Variants in TMOD2 observed in about 807,000 individuals in gnomAD.
The protein encoded by TMOD2 is tropomodulin-2.
Under a neutral mutation model 39.9 loss-of-function variants are expected in TMOD2, and 22 were observed. That is an observed-to-expected ratio of 0.55 (90% CI 0.39 to 0.79). The LOEUF is 0.79. Among genes scored for constraint, TMOD2 ranks in the 30% least tolerant of loss-of-function variants. The pLI is 0.00. For synonymous variants in TMOD2, 123 were observed against 146.1 expected (o/e 0.84, Z 1.14); for missense variants, 386 against 413.3 (o/e 0.93, Z 0.57).
At position 51,814,791 on chromosome 15, in the gene TMOD2, C is replaced by T. The variant is rs990352888; in HGVS notation, c.*6337C>T. The T allele has an allele frequency of 2.0e-5, 3 of 152,192 alleles. No individual in the cohort carries two copies. Among genetic ancestry groups the T allele is most frequent in the Admixed American group, 6.5e-5 (1 of 15,280 alleles). The allele number at this position is 152,192 out of a possible 1,614,324, so 9.4% of individuals were successfully genotyped here. A position where few individuals can be genotyped will look rare whatever the true frequency, so the allele number is the denominator to read the frequency against. On this transcript the variant is annotated 3_prime_UTR_variant, in exon 10 of 10. Coordinates refer to ENST00000249700, the MANE Select transcript of TMOD2 (RefSeq NM_014548.4). ...CAAGCTTGTGATTCTAAATCGTTTC[C>T]GTTGCCTCTGAACATGGGTGAGTAA...
intron 2 of TMOD2, chr15:51,767,185 C>G (rs1373258116): frequency 6.6e-6 from 1 of 152,144 alleles, no homozygotes; most frequent in African/African-American, 2.4e-5. Context: ...GCCACCATGC[C>G]TGGCTGATTT....
rs370122360 is a variant in TMOD2, at chr15:51,781,803, G to GGAGAGA, written c.624+645_624+650dup. ...ATGCCACTCTCAAAGGGAAAGAGTA[G>GGAGAGA]GAGAGAGAGAGAGAGAGAGAGTGTG... On this transcript the variant is annotated intron_variant, in intron 6 of 9. Transcript: ENST00000249700. Among the ~76,000 whole-genome samples, 556 of 149,422 alleles carry GGAGAGA rather than the reference G, an allele frequency of 3.7e-3. 1 individual carries two copies. The highest frequency in any genetic ancestry group is 0.017 in the Middle Eastern group (5 of 292).
At chr15:51,796,326 A>ACT (rs2056051237) in intron 7 of TMOD2, among the ~76,000 whole-genome samples, 2 of 152,172 alleles carry the variant, frequency 1.3e-5, no homozygotes, top group Non-Finnish European at 2.9e-5. Flanking sequence ...GCTAGAGCAC[A>ACT]GTAGAAGCCT....
intron 1 of TMOD2, among the ~76,000 whole-genome samples, chr15:51,761,971 C>A (rs891403863): frequency 6.6e-6 from 1 of 150,994 alleles, no homozygotes; most frequent in Non-Finnish European, 1.5e-5. Flanking sequence ...CACTGTGAAA[C>A]CCTGTCTCTA....
At chr15:51,772,974 C>T (rs137904119) in intron 3 of TMOD2, among the ~76,000 whole-genome samples, 1 of 152,272 alleles carries the variant, frequency 6.6e-6, no homozygotes, top group African/African-American at 2.4e-5. Flanking sequence ...ATGTTGTATC[C>T]TCCTTTAGAT....
chr15:51,759,993 C>T (rs999716925), intron 1 of TMOD2, among the ~76,000 whole-genome samples: 1 of 152,146 alleles, frequency 6.6e-6, no homozygotes, highest in Admixed American at 6.5e-5. Flanking sequence ...GCTAGTGCCC[C>T]CTGTGGGCCA....
intron 7 of TMOD2, chr15:51,784,121 C>T (rs1300478384): frequency 2.0e-5 from 3 of 152,190 alleles, no homozygotes; most frequent in Non-Finnish European, 4.4e-5. Context: ...CAAGGTAATA[C>T]AACCAGTAAA....
At chr15:51,794,720 C>A (rs2056036201) in intron 7 of TMOD2, among the ~76,000 whole-genome samples, 1 of 152,102 alleles carries the variant, frequency 6.6e-6, no homozygotes, top group Non-Finnish European at 1.5e-5. Context: ...ATGTAGAAAA[C>A]CAGTAATATA....
intron 1 of TMOD2, among the ~76,000 whole-genome samples, chr15:51,764,493 C>T (rs1270665367): frequency 1.3e-5 from 2 of 152,116 alleles, no homozygotes; most frequent in Non-Finnish European, 2.9e-5. Context: ...CGTTCCATGC[C>T]AACTCATTCT....
At chr15:51,803,190 TTC>T (rs2056101525) in intron 8 of TMOD2, among the ~76,000 whole-genome samples, 1 of 148,852 alleles carries the variant, frequency 6.7e-6, no homozygotes, top group African/African-American at 2.5e-5. Context: ...TTTTTTTTTT[TTC>T]TTTTTGAGGT....
chr15:51,800,581 A>G (rs893872011), intron 8 of TMOD2, among the ~76,000 whole-genome samples: 1 of 151,994 alleles, frequency 6.6e-6, no homozygotes. Flanking sequence ...GCTCCCTAAA[A>G]TCCCCTCTAA....
chr15:51,801,229 TCTCTCTCTCACACACACA>T (rs2056085395), intron 8 of TMOD2, among the ~76,000 whole-genome samples: 1 of 98,504 alleles, frequency 1.0e-5, no homozygotes, highest in Non-Finnish European at 2.0e-5. Flanking sequence ...TCTCTCTCTC[TCTCTCTCTCACACACACA>T]CACACACACA....
At chr15:51,764,457 T>G (rs1248718748) in intron 1 of TMOD2, among the ~76,000 whole-genome samples, 2 of 152,212 alleles carry the variant, frequency 1.3e-5, no homozygotes, top group Non-Finnish European at 2.9e-5. Flanking sequence ...CCAATAGCCC[T>G]TAAGAGGCCC....
chr15:51,797,605 G>A (rs17705685), intron 7 of TMOD2, among the ~76,000 whole-genome samples: 3,914 of 152,162 alleles, frequency 0.026, 132 homozygotes, highest in Admixed American at 0.075. Context: ...GAAACTCTGG[G>A]AGTAAAGAGA....
chr15:51,799,219 A>G (rs1236098121), intron 8 of TMOD2, among the ~76,000 whole-genome samples: 3 of 152,182 alleles, frequency 2.0e-5, no homozygotes, highest in Non-Finnish European at 2.9e-5. Context: ...AGGAGAGACC[A>G]AGGAGACTTG....
intron 9 of TMOD2, 104 bp downstream of exon 9, chr15:51,806,625 A>G: frequency 7.6e-7 from 1 of 1,313,670 alleles, no homozygotes; most frequent in African/African-American, 1.5e-5. Context: ...CTGGCCTCTG[A>G]TGTCACTCAC....
chr15:51,800,311 G>T (rs1411686023), intron 8 of TMOD2, among the ~76,000 whole-genome samples: 1 of 152,198 alleles, frequency 6.6e-6, no homozygotes, highest in Non-Finnish European at 1.5e-5. Flanking sequence ...GAGGCGAGCA[G>T]ATCACCTGAG....
At chr15:51,784,344 A>G (rs1182465452) in intron 7 of TMOD2, 1 of 152,264 alleles carries the variant, frequency 6.6e-6, no homozygotes, top group Non-Finnish European at 1.5e-5. Context: ...TCTGGACTTG[A>G]TGGTTTGATT....
intron 7 of TMOD2, among the ~76,000 whole-genome samples, chr15:51,787,803 G>A (rs2141631296): frequency 6.6e-6 from 1 of 152,330 alleles, no homozygotes; most frequent in East Asian, 1.9e-4. Flanking sequence ...GAACGGAATA[G>A]CATCAACATC....
Sources: gnomAD v4.1 joint callset for allele counts (sites outside exome capture counted in the v4.1 genomes callset) on GRCh38, gnomAD v4.1.1 for gene constraint, MANE v1.5 for transcripts, NCBI Gene and HGNC (gene_info 2026-07-23, HGNC 2026-07-21) for gene names.